Variants in TCEA1 observed in about 807,000 individuals in gnomAD.
TCEA1 encodes transcription elongation factor A protein 1.
In TCEA1, 21 loss-of-function variants were observed where a neutral mutation model predicts 43.8. The observed-to-expected ratio is 0.48, with a 90% CI of 0.34 to 0.69. TCEA1 has a LOEUF of 0.69. Ranked by LOEUF, TCEA1 falls within the 30% of genes least tolerant of loss-of-function variation. The pLI, the probability that TCEA1 is intolerant of heterozygous loss-of-function variation, is 0.01. For missense variants in TCEA1, 250 were observed against 365.1 expected (o/e 0.68, Z 2.57); for synonymous variants, 104 against 117.5 (o/e 0.88, Z 0.75).
intron 2 of TCEA1, among the ~76,000 whole-genome samples, chr8:54,005,018 CA>C (rs11346683): frequency 1 from 152,266 of 152,266 alleles, 76,133 homozygotes; most frequent in Non-Finnish European, 1. Context: ...ACCTTCAACC[CA>C]ATACCCACCT....
intron 1 of TCEA1, among the ~76,000 whole-genome samples, chr8:54,020,929 TG>T (rs1358837985): frequency 6.6e-6 from 1 of 152,190 alleles, no homozygotes; most frequent in East Asian, 1.9e-4. Flanking sequence ...GCCTCACGCC[TG>T]TAATCCCAGC....
intron 8 of TCEA1, chr8:53,972,636 A>G: frequency 1.6e-6 from 1 of 608,014 alleles, no homozygotes; most frequent in African/African-American, 1.8e-5. Context: ...TGGAAAGGAG[A>G]GGGTGAAGGA....
chr8:53,984,287 G>T, intron 7 of TCEA1, 76 bp downstream of exon 7: 1 of 1,338,478 alleles, frequency 7.5e-7, no homozygotes, highest in Non-Finnish European at 1.0e-6. Flanking sequence ...TTATATAGTA[G>T]TCTATGATGA....
chr8:53,983,290 CGT>C (rs1168661386), intron 7 of TCEA1, among the ~76,000 whole-genome samples: 2 of 152,114 alleles, frequency 1.3e-5, no homozygotes, highest in South Asian at 4.1e-4. Flanking sequence ...TTGTGTGACT[CGT>C]GTGTCACTTT....
At chr8:54,002,497 G>A (rs1804303972) in intron 2 of TCEA1, among the ~76,000 whole-genome samples, 1 of 151,018 alleles carries the variant, frequency 6.6e-6, no homozygotes. Flanking sequence ...AAGAAATGAA[G>A]CTGCTGAGGT....
At chr8:54,013,443 C>T (rs59882028) in intron 1 of TCEA1, among the ~76,000 whole-genome samples, 29,883 of 151,792 alleles carry the variant, frequency 0.2, 4,276 homozygotes, top group East Asian at 0.74. Context: ...TTTGGGAGAC[C>T]GAGGTGGGAG....
chr8:54,003,579 G>A (rs1804343360), intron 2 of TCEA1, among the ~76,000 whole-genome samples: 2 of 152,106 alleles, frequency 1.3e-5, no homozygotes, highest in Admixed American at 1.3e-4. Context: ...AGGATATCAA[G>A]ACAATTCATT....
At chr8:53,987,934 A>C (rs552814680) in intron 5 of TCEA1, among the ~76,000 whole-genome samples, 180 bp downstream of exon 5, 4 of 152,316 alleles carry the variant, frequency 2.6e-5, no homozygotes, top group African/African-American at 9.6e-5. Flanking sequence ...CAAATGCCCC[A>C]GTATTCCTCC....
At chr8:54,005,041 A>T (rs1399884460) in intron 2 of TCEA1, among the ~76,000 whole-genome samples, 1 of 151,470 alleles carries the variant, frequency 6.6e-6, no homozygotes, top group Non-Finnish European at 1.5e-5. Flanking sequence ...CTACTCTCTC[A>T]CTCTGCTCAG....
intron 2 of TCEA1, chr8:54,003,017 T>C: frequency 2.2e-6 from 1 of 456,274 alleles, no homozygotes; most frequent in Non-Finnish European, 4.4e-6. Context: ...GCAGATTTGG[T>C]GTGCTCCAGA....
chr8:53,999,751 T>G, intron 3 of TCEA1, 194 bp downstream of exon 3: 1 of 452,784 alleles, frequency 2.2e-6, no homozygotes, highest in East Asian at 3.3e-5. Context: ...AAAGCCAAAT[T>G]TGACTGGCCT....
intron 7 of TCEA1, among the ~76,000 whole-genome samples, chr8:53,983,526 A>T (rs1046107935): frequency 2.6e-5 from 4 of 152,218 alleles, no homozygotes; most frequent in Admixed American, 1.3e-4. Context: ...ACAGTGGCTC[A>T]CGCCTGTGAT....
intron 5 of TCEA1, among the ~76,000 whole-genome samples, chr8:53,987,623 T>A (rs2129303458): frequency 6.6e-6 from 1 of 152,274 alleles, no homozygotes; most frequent in East Asian, 1.9e-4. Flanking sequence ...TATATAAAAC[T>A]TTAAATCCAA....
chr8:53,978,527 T>C (rs1200801011), intron 8 of TCEA1: 1 of 153,608 alleles, frequency 6.5e-6, no homozygotes, highest in African/African-American at 2.4e-5. Context: ...ACCTACCCAT[T>C]AGTCATCCAC....
chr8:53,978,141 G>C (rs958881969), intron 8 of TCEA1, among the ~76,000 whole-genome samples: 39 of 152,154 alleles, frequency 2.6e-4, no homozygotes, highest in Non-Finnish European at 2.9e-5. Context: ...GCTCATGCCT[G>C]TATTCCCAGT....
intron 2 of TCEA1, chr8:54,003,185 C>G (rs766316887): frequency 2.6e-6 from 1 of 391,138 alleles, no homozygotes; most frequent in East Asian, 7.3e-5. Context: ...AAGAAACACA[C>G]AGCTACTATA....
intron 6 of TCEA1, among the ~76,000 whole-genome samples, chr8:53,986,550 T>TAATTA (rs1803693346): frequency 1.3e-5 from 2 of 152,246 alleles, no homozygotes. Flanking sequence ...TAATCTCTTC[T>TAATTA]AATTATGTTA....
At chr8:54,012,802 A>ATAGTGCCTG (rs1804692630) in intron 1 of TCEA1, among the ~76,000 whole-genome samples, 1 of 152,018 alleles carries the variant, frequency 6.6e-6, no homozygotes, top group Non-Finnish European at 1.5e-5. Context: ...TTAGCTGGCC[A>ATAGTGCCTG]TAGTGCCTGT....
rs909668574 is a variant in TCEA1, at chr8:54,022,181, C to G, written c.-56G>C. 2.5e-6 allele frequency: 4 copies of G among 1,573,744 alleles called. No individual in the cohort carries two copies. The African/African-American group carries it at 5.5e-5, about 22-fold the overall frequency. On this transcript the variant is annotated 5_prime_UTR_variant, in exon 1 of 10. Coordinates refer to ENST00000521604, the MANE Select transcript of TCEA1 (RefSeq NM_006756.4). ...CGCTGGCAAGGGGAAGTGGGCGAAG[C>G]TGGAGCGGAAGACACAGCAGGAGCG...
Sources: gnomAD v4.1 joint callset for allele counts (sites outside exome capture counted in the v4.1 genomes callset) on GRCh38, gnomAD v4.1.1 for gene constraint, MANE v1.5 for transcripts, NCBI Gene and HGNC (gene_info 2026-07-23, HGNC 2026-07-21) for gene names.